INVS: variants seen among roughly 807,000 people sequenced by gnomAD.
The protein encoded by INVS is inversion of embryo turning homolog.
A neutral mutation model predicts 108.8 loss-of-function variants in INVS; 86 were observed. The ratio of observed to expected loss-of-function variants is 0.79; its 90% CI spans 0.66 to 0.95. The LOEUF is 0.95. Among genes scored for constraint, INVS ranks in the 40% least tolerant of loss-of-function variants. The pLI, the probability that INVS is intolerant of heterozygous loss-of-function variation, is 0.00. For synonymous variants in INVS, 455 were observed against 473.5 expected (o/e 0.96, Z 0.51); for missense variants, 1,169 against 1,297.4 (o/e 0.90, Z 1.52).
chr9:100,227,324 T>C (rs1417748776), intron 4 of INVS, among the ~76,000 whole-genome samples: 1 of 152,194 alleles, frequency 6.6e-6, no homozygotes, highest in Non-Finnish European at 1.5e-5. Context: ...AGGAATACCA[T>C]GTATGTCAGT....
intron 3 of INVS, among the ~76,000 whole-genome samples, chr9:100,220,334 C>T (rs1306380014): frequency 1.3e-5 from 2 of 151,936 alleles, no homozygotes; most frequent in African/African-American, 4.8e-5. Flanking sequence ...ATGAAAGAAG[C>T]TCTTGGTGTT....
intron 8 of INVS, among the ~76,000 whole-genome samples, chr9:100,249,054 A>G (rs1432757974): frequency 6.6e-6 from 1 of 152,094 alleles, no homozygotes; most frequent in Non-Finnish European, 1.5e-5. Flanking sequence ...AATATCTGTG[A>G]TATTTCAGTG....
At chr9:100,140,814 G>A (rs78664091) in intron 3 of INVS, among the ~76,000 whole-genome samples, 2,056 of 152,110 alleles carry the variant, frequency 0.014, 36 homozygotes, top group African/African-American at 0.048. Context: ...AGAAACGTTC[G>A]TCATTTAGAA....
intron 10 of INVS, among the ~76,000 whole-genome samples, chr9:100,261,069 A>G (rs568570672): frequency 1.7e-4 from 26 of 152,256 alleles, no homozygotes; most frequent in African/African-American, 5.3e-4. Flanking sequence ...CTTTTTTGCT[A>G]ATTAAATTAT....
chr9:100,278,798 C>A (rs1436606356), intron 12 of INVS, among the ~76,000 whole-genome samples: 1 of 152,186 alleles, frequency 6.6e-6, no homozygotes, highest in Non-Finnish European at 1.5e-5. Flanking sequence ...ACATTATATA[C>A]CACTCATCCT....
At chr9:100,176,070 T>C in intron 3 of INVS, 4 of 489,168 alleles carry the variant, frequency 8.2e-6, no homozygotes, top group South Asian at 6.6e-5. Flanking sequence ...TGAGTGAAAC[T>C]GATATTACTC....
intron 12 of INVS, among the ~76,000 whole-genome samples, chr9:100,278,627 T>G (rs902653055): frequency 7.9e-5 from 12 of 152,256 alleles, no homozygotes; most frequent in African/African-American, 2.9e-4. Context: ...ACAAAGGGTC[T>G]AAAACCTTAC....
At chr9:100,285,762 T>C (rs1195844347) in intron 13 of INVS, among the ~76,000 whole-genome samples, 1 of 152,162 alleles carries the variant, frequency 6.6e-6, no homozygotes, top group East Asian at 1.9e-4. Context: ...GACTCCAGGA[T>C]TTTTATCTGG....
intron 16 of INVS, among the ~76,000 whole-genome samples, chr9:100,300,330 C>T (rs994029890): frequency 5.9e-5 from 9 of 152,156 alleles, no homozygotes; most frequent in Non-Finnish European, 1.3e-4. Context: ...GGTTCTGGTA[C>T]CAGCTCCCCA....
intron 10 of INVS, among the ~76,000 whole-genome samples, chr9:100,263,917 T>C (rs1832706084): frequency 6.6e-6 from 1 of 152,220 alleles, no homozygotes; most frequent in African/African-American, 2.4e-5. Flanking sequence ...TACTGCTCTT[T>C]TGTCTGCTCT....
chr9:100,100,983 A>AC lies in INVS; in HGVS notation c.-25+1567_-25+1568insC, dbSNP rs1479473403. ...TATATATAATATATATTATATATAT[A>AC]ATATATATGTATATATAATATATAT... On this transcript the variant is annotated intron_variant, in intron 1 of 16. Coordinates refer to ENST00000262457, the MANE Select transcript of INVS (RefSeq NM_014425.5). Among the ~76,000 whole-genome samples the AC allele has an allele frequency of 2.7e-5, 2 of 72,768 alleles. 1 individual carries two copies. Among genetic ancestry groups the AC allele is most frequent in the Admixed American group, 4.6e-4 (2 of 4,310 alleles). 47.7% of individuals were successfully genotyped at this position (72,768 alleles called of 152,430 possible). A position where few individuals can be genotyped will look rare whatever the true frequency, so the allele number is the denominator to read the frequency against.
At chr9:100,254,630 C>T (rs1299017598) in intron 10 of INVS, among the ~76,000 whole-genome samples, 1 of 152,172 alleles carries the variant, frequency 6.6e-6, no homozygotes, top group Admixed American at 6.5e-5. Flanking sequence ...CAGCTTTCTA[C>T]ATGTGGCTAG....
chr9:100,117,675 CAGTTAT>C, intron 2 of INVS: 1 of 591,288 alleles, frequency 1.7e-6, no homozygotes, highest in South Asian at 2.0e-5. Context: ...GGAGAAGAAG[CAGTTAT>C]AGGTTTTAGA....
At chr9:100,211,499 C>T (rs1280453995) in intron 3 of INVS, among the ~76,000 whole-genome samples, 1 of 152,236 alleles carries the variant, frequency 6.6e-6, no homozygotes, top group East Asian at 1.9e-4. Flanking sequence ...ATAATTTCCT[C>T]TCATAGAGAA....
chr9:100,217,941 G>A (rs533931830), intron 3 of INVS, among the ~76,000 whole-genome samples: 3 of 152,136 alleles, frequency 2.0e-5, no homozygotes, highest in African/African-American at 7.2e-5. Flanking sequence ...CCTAGGGATA[G>A]TAATTCTTTT....
chr9:100,138,391 AG>A (rs1419242655), intron 3 of INVS, among the ~76,000 whole-genome samples: 1 of 152,114 alleles, frequency 6.6e-6, no homozygotes, highest in Non-Finnish European at 1.5e-5. Flanking sequence ...GGGTGACAAG[AG>A]CGAAATTCCG....
At chr9:100,180,564 C>T (rs1271026978) in intron 3 of INVS, among the ~76,000 whole-genome samples, 1 of 152,118 alleles carries the variant, frequency 6.6e-6, no homozygotes, top group Non-Finnish European at 1.5e-5. Context: ...ATACACCCTC[C>T]TAAGACTAAA....
At chr9:100,153,005 T>TTG (rs60860854) in intron 3 of INVS, among the ~76,000 whole-genome samples, 4,185 of 149,208 alleles carry the variant, frequency 0.028, 109 homozygotes, top group African/African-American at 0.074. Flanking sequence ...TGTTAACTAA[T>TTG]TGTGTGTGTG....
At chr9:100,122,859 C>T (rs1827772103) in intron 2 of INVS, among the ~76,000 whole-genome samples, 1 of 152,046 alleles carries the variant, frequency 6.6e-6, no homozygotes, top group African/African-American at 2.4e-5. Context: ...GCTGGGATTA[C>T]AGGCGTGAGC....
Sources: allele counts gnomAD v4.1 joint callset (sites outside exome capture counted in the v4.1 genomes callset), GRCh38; gene constraint gnomAD v4.1.1; transcripts MANE v1.5; gene names NCBI Gene and HGNC (gene_info 2026-07-23, HGNC 2026-07-21).